NUDT21: variants seen among roughly 807,000 people sequenced by gnomAD.
The protein encoded by NUDT21 is nudix hydrolase 21, also known as cleavage and polyadenylation specificity factor subunit 5.
A neutral mutation model predicts 29.8 loss-of-function variants in NUDT21; 5 were observed. The observed-to-expected ratio is 0.17, with a 90% CI of 0.09 to 0.35. NUDT21 has a LOEUF of 0.35. Among genes scored for constraint, NUDT21 ranks in the 10% least tolerant of loss-of-function variants. The probability of loss-of-function intolerance (pLI) is 1.00; values close to 1 mark genes in which losing one functional copy is unlikely to be tolerated. For missense variants in NUDT21, 76 were observed against 276.0 expected (o/e 0.28, Z 5.13); for synonymous variants, 113 against 98.5 (o/e 1.15, Z -0.87).
rs111808538 is a variant in NUDT21, at chr16:56,434,488, C to T, written c.548-43G>A. ...TCATTATTATAAGTTATTATATAAT[C>T]ACTGCTTCCATTTCATTTTTAAATT... On this transcript the variant is annotated intron_variant, in intron 5 of 6. Transcript: ENST00000300291. The T allele has an allele frequency of 1.8e-3, 1,989 of 1,077,654 alleles. 32 individuals carry two copies. In the African/African-American group the frequency reaches 0.027, roughly 15 times the overall value. The allele number at this position is 1,077,654 out of a possible 1,614,324, so 66.8% of individuals were successfully genotyped here. A position where few individuals can be genotyped will look rare whatever the true frequency, so the allele number is the denominator to read the frequency against.
chr16:56,450,642 C>G (rs1002987236), intron 1 of NUDT21, among the ~76,000 whole-genome samples: 7 of 152,216 alleles, frequency 4.6e-5, no homozygotes, highest in African/African-American at 1.4e-4. Context: ...ACAGCTAGAT[C>G]TCGAAACCTT....
At position 56,429,262 on chromosome 16, in the gene NUDT21, CG is replaced by C. The variant is rs1962005220; in HGVS notation, c.*3449del. The C allele has an allele frequency of 6.6e-6, 1 of 152,134 alleles. No homozygotes were observed. Among genetic ancestry groups the C allele is most frequent in the African/African-American group, 2.4e-5 (1 of 41,412 alleles). The allele number at this position is 152,134 out of a possible 1,614,324, so 9.4% of individuals were successfully genotyped here. A position where few individuals can be genotyped will look rare whatever the true frequency, so the allele number is the denominator to read the frequency against. Reference sequence around the variant, plus strand: ...GTTTCTTTTATACATTTGCCATAAACGTAATACCAGAAAAGTTCTCAAAACC... The same window carrying C: ...GTTTCTTTTATACATTTGCCATAAACTAATACCAGAAAAGTTCTCAAAACC... On this transcript the variant is annotated 3_prime_UTR_variant, in exon 7 of 7. Coordinates refer to ENST00000300291, the MANE Select transcript of NUDT21 (RefSeq NM_007006.3).
chr16:56,443,305 T>A (rs530667700), intron 3 of NUDT21, among the ~76,000 whole-genome samples: 1 of 151,910 alleles, frequency 6.6e-6, no homozygotes, highest in Admixed American at 6.6e-5. Context: ...GCCTCCCGAG[T>A]AGCTGGGATT....
chr16:56,446,590 G>A, intron 3 of NUDT21, 36 bp downstream of exon 3: 1 of 1,236,986 alleles, frequency 8.1e-7, no homozygotes, highest in East Asian at 2.4e-5. Flanking sequence ...TAACTAGTAA[G>A]TTGATGGTAT....
At chr16:56,448,116 A>G in intron 1 of NUDT21, 127 bp from the exon 2 acceptor site, 1 of 705,178 alleles carries the variant, frequency 1.4e-6, no homozygotes, top group South Asian at 1.9e-5. Flanking sequence ...GGATTTGTAC[A>G]GTTAACTAAA....
At chr16:56,448,854 A>G (rs1310081330) in intron 1 of NUDT21, among the ~76,000 whole-genome samples, 2 of 152,240 alleles carry the variant, frequency 1.3e-5, no homozygotes, top group Non-Finnish European at 2.9e-5. Flanking sequence ...TATTCTACCA[A>G]AAGCCCTTGA....
At chr16:56,435,041 T>C (rs1962080600) in intron 4 of NUDT21, 2 of 372,838 alleles carry the variant, frequency 5.4e-6, no homozygotes, top group East Asian at 4.1e-5. Context: ...AGATAAAATA[T>C]GTAGTCACAG....
intron 4 of NUDT21, among the ~76,000 whole-genome samples, chr16:56,437,213 C>G (rs1962113536): frequency 6.6e-6 from 1 of 152,120 alleles, no homozygotes; most frequent in African/African-American, 2.4e-5. Flanking sequence ...AAAGAACGAT[C>G]TTTTGCTTGG....
At chr16:56,451,035 T>G in intron 1 of NUDT21, 52 bp downstream of exon 1, 2 of 1,490,674 alleles carry the variant, frequency 1.3e-6, no homozygotes, top group East Asian at 4.6e-5. Context: ...CGTCGGAGAG[T>G]CTATAGGAGC....
In NUDT21 at chr16:56,445,615, C is replaced by T. The variant is rs74795295; in HGVS notation, c.381+1011G>A. On this transcript the variant is annotated intron_variant, in intron 3 of 6. Coordinates refer to ENST00000300291, the MANE Select transcript of NUDT21 (RefSeq NM_007006.3). ...CAGTCCAGTTTTCAGCCCATGCATG[C>T]CCCCACTTTCATAAGTACCTAGCAC... Among the ~76,000 whole-genome samples, 754 of 152,276 alleles carry T rather than the reference C, an allele frequency of 5.0e-3. 6 individuals are homozygous for T. The highest frequency in any genetic ancestry group is 0.017 in the African/African-American group (721 of 41,548).
chr16:56,447,848 T>C lies in NUDT21; in HGVS notation c.258A>G (p.Val86=), dbSNP rs1423690818. 3 of 1,614,176 alleles carry C rather than the reference T, an allele frequency of 1.9e-6. No individual in the cohort carries two copies. Among genetic ancestry groups the C allele is most frequent in the African/African-American group, 2.7e-5 (2 of 75,062 alleles). The change falls in exon 2 of 7, where the codon GTA becomes GTG. Residue 86 remains valine, a synonymous_variant. Transcript: ENST00000300291. ...ACACATGGGGTAGCCGGTGCTCATG[T>C]ACAATCAGAACCCCTTCTACAGTCC... ...MRRTVEGVLI[V]HEHRLPHVLL...
intron 4 of NUDT21, among the ~76,000 whole-genome samples, chr16:56,437,138 G>C (rs1352747076): frequency 1.3e-5 from 2 of 152,142 alleles, no homozygotes; most frequent in Non-Finnish European, 2.9e-5. Flanking sequence ...GTGAACACCA[G>C]CATCAGCTTC....
At chr16:56,440,058 A>G (rs1322798483) in intron 3 of NUDT21, among the ~76,000 whole-genome samples, 1 of 152,208 alleles carries the variant, frequency 6.6e-6, no homozygotes, top group Non-Finnish European at 1.5e-5. Flanking sequence ...TAAGTGGCCA[A>G]AAATAGTTCT....
intron 3 of NUDT21, among the ~76,000 whole-genome samples, chr16:56,440,796 T>A (rs1369295258): frequency 6.6e-6 from 1 of 152,110 alleles, no homozygotes; most frequent in Non-Finnish European, 1.5e-5. Flanking sequence ...TGGAGTGCAA[T>A]GGCGCAATAT....
In NUDT21 at chr16:56,430,987, T is replaced by C. The variant is rs1962027681; in HGVS notation, c.*1725A>G. 6.6e-6 allele frequency: 1 copy of C among 152,214 alleles called. No homozygotes were observed. The highest frequency in any genetic ancestry group is 1.5e-5 in the Non-Finnish European group (1 of 68,026). The allele number at this position is 152,214 out of a possible 1,614,324, so 9.4% of individuals were successfully genotyped here. A position where few individuals can be genotyped will look rare whatever the true frequency, so the allele number is the denominator to read the frequency against. ...ACTCTTCAACTCAAACACTCCTTAC[T>C]GAGAGTACTTTATAAAACACACAAC... is the stretch of plus-strand genomic sequence containing the variant. On this transcript the variant is annotated 3_prime_UTR_variant, in exon 7 of 7. Transcript: ENST00000300291.
chr16:56,444,292 A>T (rs189905101), intron 3 of NUDT21, among the ~76,000 whole-genome samples: 61 of 152,194 alleles, frequency 4.0e-4, no homozygotes, highest in African/African-American at 1.4e-3. Flanking sequence ...TCTAAAAAAA[A>T]TAAGTAAGCC....
At position 56,447,191 on chromosome 16, in the gene NUDT21, G is replaced by A. The variant is rs144902365; in HGVS notation, c.318-502C>T. 509 of 158,932 alleles carry A rather than the reference G, an allele frequency of 3.2e-3. 4 individuals carry two copies. The highest frequency in any genetic ancestry group is 6.6e-3 in the Middle Eastern group (2 of 304). 9.8% of individuals were successfully genotyped at this position (158,932 alleles called of 1,614,324 possible). ...ACATAGCACAAACATAAACAAAATT[G>A]CTAACCACCAGTCCATCCCAATCTC... On this transcript the variant is annotated intron_variant, in intron 2 of 6. Transcript: ENST00000300291.
chr16:56,435,969 C>A (rs1202408628), intron 4 of NUDT21, among the ~76,000 whole-genome samples: 1 of 145,178 alleles, frequency 6.9e-6, no homozygotes, highest in Non-Finnish European at 1.5e-5. Flanking sequence ...TGAAGTTTTG[C>A]CAGATGGGCA....
chr16:56,435,775 A>G (rs1300173662), intron 4 of NUDT21, among the ~76,000 whole-genome samples: 1 of 106,932 alleles, frequency 9.4e-6, no homozygotes, highest in African/African-American at 3.6e-5. Context: ...ATATATATAT[A>G]TATATATATG....
Sources: gnomAD v4.1 joint callset for allele counts (sites outside exome capture counted in the v4.1 genomes callset) on GRCh38, gnomAD v4.1.1 for gene constraint, MANE v1.5 for transcripts, NCBI Gene and HGNC (gene_info 2026-07-23, HGNC 2026-07-21) for gene names.